The following RCAN1 variants were observed in gnomAD, a reference collection of about 807,000 sequenced individuals.
The protein encoded by RCAN1 is calcipressin-1.
Under a neutral mutation model 22.9 loss-of-function variants are expected in RCAN1, and 11 were observed. The ratio of observed to expected loss-of-function variants is 0.48; its 90% CI spans 0.30 to 0.79. The LOEUF (loss-of-function observed/expected upper bound fraction) is 0.79, where lower values mean the gene tolerates loss of function less well. RCAN1 is among the 30% of genes least tolerant of loss of function. The pLI is 0.06. For synonymous variants in RCAN1, 136 were observed against 142.3 expected (o/e 0.96, Z 0.32); for missense variants, 291 against 337.8 (o/e 0.86, Z 1.09).
At chr21:34,565,692 C>A (rs1986977643) in intron 1 of RCAN1, among the ~76,000 whole-genome samples, 1 of 152,218 alleles carries the variant, frequency 6.6e-6, no homozygotes, top group South Asian at 2.1e-4. Context: ...GAACTCTTTC[C>A]TGACCAACAC....
intron 1 of RCAN1, among the ~76,000 whole-genome samples, chr21:34,565,933 C>T (rs560129319): frequency 2.6e-5 from 4 of 152,270 alleles, no homozygotes; most frequent in South Asian, 4.1e-4. Flanking sequence ...TGTGTGTGTT[C>T]GTGTGAACCA....
intron 1 of RCAN1, among the ~76,000 whole-genome samples, chr21:34,547,953 A>G (rs950540028): frequency 6.6e-6 from 1 of 152,204 alleles, no homozygotes; most frequent in African/African-American, 2.4e-5. Flanking sequence ...TTAGGAGGTA[A>G]TTAGGGTTAG....
At chr21:34,525,484 C>A in intron 1 of RCAN1, 3 of 1,152,458 alleles carry the variant, frequency 2.6e-6, no homozygotes, top group Non-Finnish European at 2.3e-6. Context: ...AGTGTGTCTT[C>A]GTACATTTGG....
intron 1 of RCAN1, among the ~76,000 whole-genome samples, chr21:34,563,794 T>TATATATATAGAG (rs765741781): frequency 2.1e-4 from 10 of 48,726 alleles, no homozygotes; most frequent in African/African-American, 8.4e-4. Flanking sequence ...TATATATATA[T>TATATATATAGAG]AGAGAGAGAG....
chr21:34,610,434 C>A (rs531964738), intron 1 of RCAN1, among the ~76,000 whole-genome samples: 1 of 152,248 alleles, frequency 6.6e-6, no homozygotes, highest in South Asian at 2.1e-4. Context: ...CGCCTGTAGG[C>A]CACAGGGTCA....
intron 1 of RCAN1, among the ~76,000 whole-genome samples, chr21:34,608,113 A>G (rs1232538208): frequency 6.6e-6 from 1 of 152,158 alleles, no homozygotes; most frequent in Non-Finnish European, 1.5e-5. Context: ...CTAATTCTAC[A>G]TTATGGTGAG....
At chr21:34,594,115 C>T (rs112996654) in intron 1 of RCAN1, among the ~76,000 whole-genome samples, 6 of 151,836 alleles carry the variant, frequency 4.0e-5, no homozygotes, top group African/African-American at 7.3e-5. Context: ...AGCAGATCTG[C>T]GTAAAATAAA....
intron 1 of RCAN1, among the ~76,000 whole-genome samples, chr21:34,585,158 A>T: frequency 6.6e-6 from 1 of 152,376 alleles, no homozygotes; most frequent in East Asian, 1.9e-4. Context: ...TATTTAAGGT[A>T]ATAATCACTT....
chr21:34,574,797 TC>T (rs1987355723), intron 1 of RCAN1, among the ~76,000 whole-genome samples: 1 of 152,202 alleles, frequency 6.6e-6, no homozygotes, highest in Non-Finnish European at 1.5e-5. Flanking sequence ...CTCGGGTGCC[TC>T]CCGCGTCAGA....
chr21:34,562,527 T>C (rs899973765), intron 1 of RCAN1, among the ~76,000 whole-genome samples: 1 of 152,118 alleles, frequency 6.6e-6, no homozygotes, highest in African/African-American at 2.4e-5. Context: ...CTTCCCAAGG[T>C]GCTCTCACTC....
rs1173579941 is a variant in RCAN1 at position 34,614,710 on chromosome 21, C to T, written c.252+50G>A. On this transcript the variant is annotated intron_variant, in intron 1 of 3. Coordinates refer to ENST00000313806, the MANE Select transcript of RCAN1 (RefSeq NM_004414.7). This position sits in a 1 kb window ranked among gnomAD's most constrained non-coding sequence, Gnocchi z 6.0. ...CTGCGACCCGCGCCGCCTCCTCGGG[C>T]AACAAGTGTCCGCCCTCCGCCCCGA... The T allele has an allele frequency of 2.9e-6, 4 of 1,372,886 alleles. No individual in the cohort carries two copies. In the South Asian group the frequency reaches 4.3e-5, roughly 15 times the overall value. 85.0% of individuals were successfully genotyped at this position (1,372,886 alleles called of 1,614,324 possible).
At chr21:34,583,401 G>A (rs1299855652) in intron 1 of RCAN1, among the ~76,000 whole-genome samples, 1 of 151,966 alleles carries the variant, frequency 6.6e-6, no homozygotes, top group Non-Finnish European at 1.5e-5. Flanking sequence ...GGTCTCAAAC[G>A]CCTGGCCTCA....
At chr21:34,563,794 TAGAGAGAGAG>T (rs60116779) in intron 1 of RCAN1, among the ~76,000 whole-genome samples, 5 of 48,724 alleles carry the variant, frequency 1.0e-4, no homozygotes, top group African/African-American at 4.2e-4. Flanking sequence ...TATATATATA[TAGAGAGAGAG>T]AGAGAGAGAG....
chr21:34,555,497 C>T (rs534593532), intron 1 of RCAN1, among the ~76,000 whole-genome samples: 39 of 149,594 alleles, frequency 2.6e-4, no homozygotes, highest in South Asian at 4.3e-4. Context: ...TGCTTGAGCC[C>T]AGGAGGTCAG....
intron 1 of RCAN1, among the ~76,000 whole-genome samples, chr21:34,572,263 A>ATCCACT (rs1987260580): frequency 1.3e-5 from 2 of 152,316 alleles, no homozygotes; most frequent in South Asian, 4.1e-4. Context: ...GGCTGGACTC[A>ATCCACT]TCCACATGCC....
At position 34,614,933 on chromosome 21, in the gene RCAN1, C is replaced by G. The variant is rs1988780337; in HGVS notation, c.79G>C (p.Gly27Arg). The G allele has an allele frequency of 5.4e-6, 7 of 1,304,616 alleles. No individual in the cohort carries two copies. Among genetic ancestry groups the G allele is most frequent in the Non-Finnish European group, 6.9e-6 (7 of 1,019,502 alleles). 80.8% of individuals were successfully genotyped at this position (1,304,616 alleles called of 1,614,324 possible). ...AEAAEARARPGVTLRPFAPLS... is the reference protein window; with the variant it reads ...AEAAEARARPRVTLRPFAPLS... The stretch of plus-strand genomic sequence containing the variant: ...GGCGCGAAGGGCCGCAGCGTCACCC[C>G]GGGCCGCGCTCGCGCCTCGGCCGCC... The change falls in exon 1 of 4, where the codon GGG (glycine) becomes CGG (arginine). Residue 27 changes from glycine to arginine, a missense_variant. Coordinates refer to ENST00000313806, the MANE Select transcript of RCAN1 (RefSeq NM_004414.7). The surrounding 1 kb of genome is among the most constrained non-coding windows in gnomAD (Gnocchi z 6.0).
At chr21:34,599,973 T>C (rs1417003691) in intron 1 of RCAN1, among the ~76,000 whole-genome samples, 1 of 152,192 alleles carries the variant, frequency 6.6e-6, no homozygotes, top group Admixed American at 6.5e-5. Context: ...ATGGCTGTGT[T>C]GTGTTCTCTG....
At chr21:34,561,351 C>CT (rs34891646) in intron 1 of RCAN1, among the ~76,000 whole-genome samples, 2 of 151,870 alleles carry the variant, frequency 1.3e-5, no homozygotes, top group Admixed American at 6.6e-5. Flanking sequence ...GCAGGAGAAA[C>CT]TTTTTTTTGG....
At chr21:34,578,370 T>G (rs1987483588) in intron 1 of RCAN1, among the ~76,000 whole-genome samples, 1 of 152,142 alleles carries the variant, frequency 6.6e-6, no homozygotes, top group African/African-American at 2.4e-5. Context: ...CTAAGAACAT[T>G]AGATTGAGAA....
Sources: gnomAD v4.1 joint callset for allele counts (sites outside exome capture counted in the v4.1 genomes callset) on GRCh38, gnomAD v4.1.1 for gene constraint, Gnocchi (gnomAD v3.1) non-coding constraint, MANE v1.5 for transcripts, NCBI Gene and HGNC (gene_info 2026-07-23, HGNC 2026-07-21) for gene names.